SH3D19: variants seen among roughly 807,000 people sequenced by gnomAD.
SH3D19 encodes the protein SH3 domain-containing protein 19.
In SH3D19, 58 loss-of-function variants were observed where a neutral mutation model predicts 112.1. That is an observed-to-expected ratio of 0.52 (90% CI 0.42 to 0.64). The LOEUF (loss-of-function observed/expected upper bound fraction) is 0.64, where lower values mean the gene tolerates loss of function less well. SH3D19 is among the 30% of genes least tolerant of loss of function. SH3D19 has a pLI of 0.00. For synonymous variants in SH3D19, 391 were observed against 448.5 expected (o/e 0.87, Z 1.62); for missense variants, 1,090 against 1,263.4 (o/e 0.86, Z 2.08).
chr4:151,275,842 ATTATTATTTTTT>A (rs1773563467), intron 1 of SH3D19, among the ~76,000 whole-genome samples: 1 of 90,096 alleles, frequency 1.1e-5, no homozygotes, highest in Non-Finnish European at 2.3e-5. Flanking sequence ...TATTATTATT[ATTATTATTTTTT>A]TTTTTTTAGA....
chr4:151,319,812 T>C (rs1730360685), intron 1 of SH3D19, among the ~76,000 whole-genome samples: 1 of 152,144 alleles, frequency 6.6e-6, no homozygotes, highest in African/African-American at 2.4e-5. Context: ...ACCACATAAA[T>C]GTAAAGTACT....
rs1336636194 is a variant in SH3D19, at chr4:151,203,191, C to G, written c.153-15728G>C. ...GGAATTCCCATGACAGGACCCCCAG[C>G]AATCGCAGCATCGGTGCCACTGACC... On this transcript the variant is annotated intron_variant, in intron 2 of 19. Transcript: ENST00000604030. Among the ~76,000 whole-genome samples, 3 of 152,174 alleles carry G rather than the reference C, an allele frequency of 2.0e-5. No homozygotes were observed. The East Asian group carries it at 5.8e-4, about 29-fold the overall frequency.
intron 1 of SH3D19, among the ~76,000 whole-genome samples, chr4:151,256,000 C>G (rs566301044): frequency 1.1e-5 from 1 of 88,906 alleles, no homozygotes; most frequent in Non-Finnish European, 2.3e-5. Context: ...AGAGGGAGAC[C>G]GTGGAAAGAG....
In SH3D19 at chr4:151,144,723, A is replaced by G. The variant is rs547344684; in HGVS notation, c.2083-673T>C. Among the ~76,000 whole-genome samples the G allele has an allele frequency of 3.9e-5, 6 of 152,210 alleles. No individual in the cohort carries two copies. The South Asian group carries it at 1.2e-3, about 32-fold the overall frequency. On this transcript the variant is annotated intron_variant, in intron 11 of 19. Coordinates refer to ENST00000604030, the MANE Select transcript of SH3D19 (RefSeq NM_001378122.1). ...TGCCTGCCTGTTTCCATAGACCTTG[A>G]AGCTCTTCTCCTAGAGTCTCTCTGA...
chr4:151,198,884 A>C (rs1284345516), intron 2 of SH3D19, among the ~76,000 whole-genome samples: 2 of 152,228 alleles, frequency 1.3e-5, no homozygotes, highest in Non-Finnish European at 2.9e-5. Context: ...CATTCTTAAC[A>C]ATCAAAGATT....
At chr4:151,282,454 C>T (rs1477203225) in intron 1 of SH3D19, 4 of 1,601,928 alleles carry the variant, frequency 2.5e-6, no homozygotes, top group Non-Finnish European at 1.7e-6. Flanking sequence ...ATATGTCATC[C>T]TCTTGTACTC....
intron 1 of SH3D19, among the ~76,000 whole-genome samples, chr4:151,274,302 T>C (rs1773429576): frequency 6.6e-6 from 1 of 152,222 alleles, no homozygotes; most frequent in Non-Finnish European, 1.5e-5. Context: ...TAAACATCTT[T>C]ATGCTACTTT....
At chr4:151,223,618 C>T in intron 2 of SH3D19, among the ~76,000 whole-genome samples, 1 of 152,206 alleles carries the variant, frequency 6.6e-6, no homozygotes, top group East Asian at 1.9e-4. Context: ...ACGTATCAGC[C>T]TCTGGGTGTT....
intron 1 of SH3D19, among the ~76,000 whole-genome samples, chr4:151,297,663 T>C (rs1445152369): frequency 2.6e-5 from 4 of 152,076 alleles, no homozygotes; most frequent in Non-Finnish European, 5.9e-5. Context: ...TGTTGTACCA[T>C]TAAATAAAAT....
At position 151,167,223 on chromosome 4, in the gene SH3D19, C is replaced by A. The variant is rs1044855519; in HGVS notation, c.1535-1527G>T. 3.3e-5 allele frequency among the ~76,000 whole-genome samples: 5 copies of A among 151,910 alleles called. 1 individual carries two copies. The highest frequency in any genetic ancestry group is 7.4e-5 in the Non-Finnish European group (5 of 67,972). ...TAATATAACTTTTTTCCACTGTGACCTATGTCACCCATAAAACAAAGCTCC... is the reference window on the plus strand; with the variant it reads ...TAATATAACTTTTTTCCACTGTGACATATGTCACCCATAAAACAAAGCTCC... On this transcript the variant is annotated intron_variant, in intron 7 of 19. Transcript: ENST00000604030.
chr4:151,313,176 T>C lies in SH3D19; in HGVS notation c.112+12065A>G, dbSNP rs548078116. ...TTGAACAAGATCTCCAGGTGATCTG[T>C]AGGCAGAACAAAGTCTGAGAAGCAC... On this transcript the variant is annotated intron_variant, in intron 1 of 19. Coordinates refer to ENST00000604030, the MANE Select transcript of SH3D19 (RefSeq NM_001378122.1). Among the ~76,000 whole-genome samples, 6 of 151,676 alleles carry C rather than the reference T, an allele frequency of 4.0e-5. No individual in the cohort carries two copies. In the South Asian group the frequency reaches 6.2e-4, roughly 16 times the overall value.
intron 1 of SH3D19, among the ~76,000 whole-genome samples, chr4:151,311,673 TA>T (rs767891425): frequency 2.0e-5 from 3 of 152,018 alleles, no homozygotes; most frequent in Non-Finnish European, 4.4e-5. Flanking sequence ...ACCCTATCTC[TA>T]CAAAAAATTT....
At chr4:151,202,257 C>T (rs1384706360) in intron 2 of SH3D19, among the ~76,000 whole-genome samples, 1 of 152,192 alleles carries the variant, frequency 6.6e-6, no homozygotes, top group Non-Finnish European at 1.5e-5. Context: ...ATCGCTTGAA[C>T]TCAGGAGGCG....
At chr4:151,227,821 G>A in intron 1 of SH3D19, 1 of 985,408 alleles carries the variant, frequency 1.0e-6, no homozygotes, top group Non-Finnish European at 1.2e-6. Flanking sequence ...TGTGATCCTA[G>A]TTACATAGTT....
intron 2 of SH3D19, among the ~76,000 whole-genome samples, chr4:151,208,198 T>G (rs1264689934): frequency 6.6e-6 from 1 of 152,186 alleles, no homozygotes; most frequent in Admixed American, 6.5e-5. Flanking sequence ...TAAAAAGCCT[T>G]AAGAGCAGAG....
At position 151,147,971 on chromosome 4, in the gene SH3D19, A is replaced by T. The variant is rs779802810; in HGVS notation, c.2033T>A (p.Val678Glu). ...TCCTGGTTTGGGACGAGGGGGTAGC[A>T]CCGGATCTTGATTTTTAAAAACTTG... ...KSQVFKNQDP[V>E]LPPRPKPGHP... Residue 678 changes from valine (V) to glutamate (E), a missense_variant, in exon 11 of 20, where the codon GTG becomes GAG. Physicochemically the swap from Val to Glu is moderately radical, Grantham distance 121. Coordinates refer to ENST00000604030, the MANE Select transcript of SH3D19 (RefSeq NM_001378122.1). 6.8e-6 allele frequency: 11 copies of T among 1,614,170 alleles called. No homozygotes were observed. The highest frequency in any genetic ancestry group is 9.3e-6 in the Non-Finnish European group (11 of 1,180,016).
At chr4:151,280,054 T>G (rs886798001) in intron 1 of SH3D19, 7 of 873,720 alleles carry the variant, frequency 8.0e-6, no homozygotes, top group African/African-American at 1.6e-5. Flanking sequence ...AGTGGTAAAA[T>G]AGGCAGGGCG....
intron 1 of SH3D19, among the ~76,000 whole-genome samples, chr4:151,310,775 T>C (rs1729376007): frequency 6.6e-6 from 1 of 151,652 alleles, no homozygotes; most frequent in Admixed American, 6.6e-5. Flanking sequence ...TTTCACCATG[T>C]TGACCAGGCT....
chr4:151,178,663 G>A (rs893829149), intron 4 of SH3D19, among the ~76,000 whole-genome samples: 9 of 152,048 alleles, frequency 5.9e-5, no homozygotes, highest in Non-Finnish European at 1.0e-4. Flanking sequence ...GGAAAGTGGC[G>A]GTCAGGATTT....
Sources: gnomAD v4.1 joint callset for allele counts (sites outside exome capture counted in the v4.1 genomes callset) on GRCh38, gnomAD v4.1.1 for gene constraint, MANE v1.5 for transcripts, NCBI Gene and HGNC (gene_info 2026-07-23, HGNC 2026-07-21) for gene names.